TBL1XR1: variants seen among roughly 807,000 people sequenced by gnomAD.
TBL1XR1 encodes the protein F-box-like/WD repeat-containing protein TBL1XR1.
TBL1XR1 carries 5 observed loss-of-function variants against 66.9 expected under a neutral mutation model. The ratio of observed to expected loss-of-function variants is 0.07; its 90% CI spans 0.04 to 0.16. The LOEUF (loss-of-function observed/expected upper bound fraction) is 0.16, where lower values mean the gene tolerates loss of function less well. TBL1XR1 is among the 10% of genes least tolerant of loss of function. TBL1XR1 has a pLI of 1.00. For missense variants in TBL1XR1, 238 were observed against 623.2 expected, an observed-to-expected ratio of 0.38 and a Z score of 6.58; for synonymous variants, 210 against 206.0, an observed-to-expected ratio of 1.02 and a Z score of -0.17.
Position 177,021,734 on chromosome 3 carries a change from T to C in TBL1XR1, c.*3764A>G, listed in dbSNP as rs989007526. On this transcript the variant is annotated 3_prime_UTR_variant, in exon 16 of 16. Transcript: ENST00000457928. ...AGATTTGCTGCTATTCCACAAAATG[T>C]TGGCATTTGCTGCCATGCCACAATG... 5 of 152,604 alleles carry C rather than the reference T, an allele frequency of 3.3e-5. No individual in the cohort carries two copies. In the South Asian group the frequency reaches 6.2e-4, roughly 19 times the overall value. The allele number at this position is 152,604 out of a possible 1,614,324, so 9.5% of individuals were successfully genotyped here. A position where few individuals can be genotyped will look rare whatever the true frequency, so the allele number is the denominator to read the frequency against.
chr3:177,163,546 G>C (rs1732469459), intron 1 of TBL1XR1, among the ~76,000 whole-genome samples: 1 of 151,716 alleles, frequency 6.6e-6, no homozygotes, highest in African/African-American at 2.4e-5. Flanking sequence ...GTAGATGTGA[G>C]AAGATGTAAA....
chr3:177,156,518 T>TACACACACAC (rs35566193), intron 1 of TBL1XR1, among the ~76,000 whole-genome samples: 5 of 139,706 alleles, frequency 3.6e-5, no homozygotes, highest in South Asian at 2.2e-4. Context: ...TATATATACA[T>TACACACACAC]ACACACACAC....
intron 10 of TBL1XR1, among the ~76,000 whole-genome samples, chr3:177,041,824 G>A (rs1010378422): frequency 2.0e-5 from 3 of 152,162 alleles, no homozygotes; most frequent in Admixed American, 6.5e-5. Flanking sequence ...TTCAAAGTGA[G>A]GAGTCCAAAG....
At chr3:177,063,189 A>C (rs760768634) in intron 3 of TBL1XR1, among the ~76,000 whole-genome samples, 1 of 152,236 alleles carries the variant, frequency 6.6e-6, no homozygotes, top group Non-Finnish European at 1.5e-5. Flanking sequence ...TTAACCGAGA[A>C]TATTATTTTA....
At chr3:177,119,435 G>A (rs761236143) in intron 1 of TBL1XR1, among the ~76,000 whole-genome samples, 11 of 152,012 alleles carry the variant, frequency 7.2e-5, no homozygotes, top group Non-Finnish European at 1.6e-4. Flanking sequence ...ATATAATTAG[G>A]GCTTCTTTTG....
intron 2 of TBL1XR1, among the ~76,000 whole-genome samples, chr3:177,092,674 T>C (rs1412190089): frequency 6.6e-6 from 1 of 151,438 alleles, no homozygotes; most frequent in East Asian, 1.9e-4. Flanking sequence ...GGTAGAAATG[T>C]AAAATAGTGC....
At chr3:177,069,759 GGAAA>G (rs1272566068) in intron 2 of TBL1XR1, among the ~76,000 whole-genome samples, 2 of 125,060 alleles carry the variant, frequency 1.6e-5, no homozygotes, top group African/African-American at 3.1e-5. Flanking sequence ...AGAAAGGAAA[GGAAA>G]GAAAGGAAGG....
At chr3:177,103,533 GTTTT>G (rs1226971412) in intron 1 of TBL1XR1, among the ~76,000 whole-genome samples, 1 of 152,122 alleles carries the variant, frequency 6.6e-6, no homozygotes, top group South Asian at 2.1e-4. Flanking sequence ...CAATTAGGAA[GTTTT>G]TTTAACATGG....
rs921456885 is a variant in TBL1XR1 at position 177,170,681 on chromosome 3, T to C, written c.-122+26440A>G. On this transcript the variant is annotated intron_variant, in intron 1 of 15. Transcript: ENST00000457928. ...GACAGGGTCTCACTGTGTCACTCAC[T>C]GCAGTCTCCACTTCCCCAGCTCAAG... 2.0e-5 allele frequency among the ~76,000 whole-genome samples: 3 copies of C among 152,288 alleles called. No homozygotes were observed. The East Asian group carries it at 5.8e-4, about 29-fold the overall frequency.
chr3:177,126,081 ATCATTCCAATT>A (rs1376982395), intron 1 of TBL1XR1: 1 of 152,150 alleles, frequency 6.6e-6, no homozygotes, highest in Non-Finnish European at 1.5e-5. Flanking sequence ...TAATCTTTGT[ATCATTCCAATT>A]TTAACATATG....
chr3:177,049,866 C>T (rs1716815888), intron 7 of TBL1XR1, 131 bp downstream of exon 7: 1 of 1,008,860 alleles, frequency 9.9e-7, no homozygotes, highest in South Asian at 1.7e-5. Flanking sequence ...CAGGGGACGA[C>T]TCCCGGTTTG....
At chr3:177,137,798 C>T (rs1260483030) in intron 1 of TBL1XR1, among the ~76,000 whole-genome samples, 1 of 152,052 alleles carries the variant, frequency 6.6e-6, no homozygotes, top group East Asian at 1.9e-4. Flanking sequence ...GGCAAAACCC[C>T]GACTCTACAG....
chr3:177,051,002 G>A (rs1717001421), intron 5 of TBL1XR1, among the ~76,000 whole-genome samples: 1 of 151,986 alleles, frequency 6.6e-6, no homozygotes. Context: ...CGATGTCAGA[G>A]CTCTATGGTT....
intron 5 of TBL1XR1, among the ~76,000 whole-genome samples, chr3:177,051,287 C>T (rs1717044484): frequency 2.0e-5 from 3 of 150,956 alleles, no homozygotes; most frequent in Admixed American, 1.3e-4. Flanking sequence ...CTCCTGGGAC[C>T]TTCCTGGGGG....
intron 2 of TBL1XR1, among the ~76,000 whole-genome samples, chr3:177,068,872 C>T (rs985852616): frequency 2.0e-5 from 3 of 152,174 alleles, no homozygotes; most frequent in Non-Finnish European, 4.4e-5. Context: ...TTTAAGAGAT[C>T]TGGACACTCT....
At chr3:177,166,701 T>C (rs1732864503) in intron 1 of TBL1XR1, among the ~76,000 whole-genome samples, 1 of 152,188 alleles carries the variant, frequency 6.6e-6, no homozygotes, top group Non-Finnish European at 1.5e-5. Flanking sequence ...CTCTTTTCTA[T>C]ATAAATTACC....
intron 1 of TBL1XR1, among the ~76,000 whole-genome samples, chr3:177,133,094 T>C (rs570547139): frequency 6.6e-6 from 1 of 152,270 alleles, no homozygotes; most frequent in African/African-American, 2.4e-5. Flanking sequence ...GAGACCAGCC[T>C]GGCCAGCATG....
intron 3 of TBL1XR1, among the ~76,000 whole-genome samples, chr3:177,057,080 T>C (rs978760106): frequency 2.0e-5 from 3 of 151,982 alleles, no homozygotes; most frequent in African/African-American, 7.2e-5. Context: ...CTGGCTCTTC[T>C]GTCTCTCCAG....
At chr3:177,099,457 G>C (rs1209144447) in intron 1 of TBL1XR1, 2 of 152,240 alleles carry the variant, frequency 1.3e-5, no homozygotes, top group African/African-American at 4.8e-5. Context: ...TTTCCACCAC[G>C]GAGTACAGTT....
Sources: allele counts gnomAD v4.1 joint callset (sites outside exome capture counted in the v4.1 genomes callset), GRCh38; gene constraint gnomAD v4.1.1; transcripts MANE v1.5; gene names NCBI Gene and HGNC (gene_info 2026-07-23, HGNC 2026-07-21).